The following GRIK2 variants were observed in gnomAD, a reference collection of about 807,000 sequenced individuals.
GRIK2 encodes the protein glutamate ionotropic receptor kainate type subunit 2.
In GRIK2, 32 loss-of-function variants were observed where a neutral mutation model predicts 100.3. The ratio of observed to expected loss-of-function variants is 0.32; its 90% confidence interval spans 0.24 to 0.43. The LOEUF (loss-of-function observed/expected upper bound fraction) is 0.43, where lower values mean the gene tolerates loss of function less well. Among genes scored for constraint, GRIK2 ranks in the 20% least tolerant of loss-of-function variants. GRIK2 has a pLI of 1.00. For synonymous variants in GRIK2, 417 were observed against 389.4 expected, an observed-to-expected ratio of 1.07 and a Z score of -0.83; for missense variants, 843 against 1,114.9, an observed-to-expected ratio of 0.76 and a Z score of 3.47.
intron 4 of GRIK2, among the ~76,000 whole-genome samples, chr6:101,648,045 CT>C (rs35955207): frequency 1.3e-5 from 2 of 152,060 alleles, no homozygotes; most frequent in Non-Finnish European, 2.9e-5. Flanking sequence ...TATCTCCAGA[CT>C]TTTTGCCAAA....
chr6:101,577,943 C>G (rs758907749), intron 2 of GRIK2, among the ~76,000 whole-genome samples: 1 of 152,030 alleles, frequency 6.6e-6, no homozygotes, highest in African/African-American at 2.4e-5. Flanking sequence ...GGAATGCCTA[C>G]GAAAGGTTGA....
chr6:101,485,391 A>G (rs1185105934), intron 2 of GRIK2, among the ~76,000 whole-genome samples: 4 of 152,200 alleles, frequency 2.6e-5, no homozygotes, highest in Non-Finnish European at 4.4e-5. Context: ...ATAATAAATT[A>G]ACTTTAATAC....
Position 101,441,978 on chromosome 6 carries a change from G to T in GRIK2, c.115+42586G>T, listed in dbSNP as rs1300290612. On this transcript the variant is annotated intron_variant, in intron 2 of 16. Transcript: ENST00000369134. ...TTGGGAGATACAAAAAAAAAAAAAG[G>T]GGTGAACAGGGCAGAATTTTTCCAA... Among the ~76,000 whole-genome samples the T allele has an allele frequency of 2.0e-5, 3 of 151,970 alleles. No homozygotes were observed. In the East Asian group the frequency reaches 5.8e-4, roughly 29 times the overall value.
At chr6:101,639,681 C>T (rs1781194276) in intron 4 of GRIK2, among the ~76,000 whole-genome samples, 1 of 152,054 alleles carries the variant, frequency 6.6e-6, no homozygotes, top group Non-Finnish European at 1.5e-5. Flanking sequence ...ATTCTATAAA[C>T]TTTACTTTGT....
At chr6:101,426,336 T>A (rs1330157920) in intron 2 of GRIK2, among the ~76,000 whole-genome samples, 3 of 152,204 alleles carry the variant, frequency 2.0e-5, no homozygotes, top group African/African-American at 7.2e-5. Flanking sequence ...TGGGGAAGAT[T>A]ACAGAGTGTC....
intron 12 of GRIK2, among the ~76,000 whole-genome samples, chr6:101,914,705 T>C (rs778337613): frequency 6.6e-6 from 1 of 151,580 alleles, no homozygotes; most frequent in Non-Finnish European, 1.5e-5. Context: ...GCATTCACTT[T>C]TATTTACTCT....
intron 2 of GRIK2, among the ~76,000 whole-genome samples, chr6:101,615,791 G>C (rs1779866700): frequency 1.3e-5 from 2 of 151,840 alleles, no homozygotes; most frequent in South Asian, 4.2e-4. Flanking sequence ...GCAGGCTCAT[G>C]AACAGGTGGA....
chr6:101,720,892 G>A (rs1178640955), intron 7 of GRIK2, among the ~76,000 whole-genome samples: 1 of 151,876 alleles, frequency 6.6e-6, no homozygotes, highest in Admixed American at 6.6e-5. Flanking sequence ...CAGAATCTTA[G>A]CATTTGCATT....
At chr6:101,496,436 G>C (rs1387628876) in intron 2 of GRIK2, among the ~76,000 whole-genome samples, 1 of 152,090 alleles carries the variant, frequency 6.6e-6, no homozygotes, top group Non-Finnish European at 1.5e-5. Context: ...ATCAGACAAT[G>C]GTCTTCAATA....
At chr6:101,910,444 T>A (rs1223265404) in intron 12 of GRIK2, among the ~76,000 whole-genome samples, 1 of 151,280 alleles carries the variant, frequency 6.6e-6, no homozygotes. Context: ...AGAAAAAATA[T>A]ATTCTTCCAT....
chr6:101,910,979 T>C (rs1378039519), intron 12 of GRIK2, among the ~76,000 whole-genome samples: 1 of 151,418 alleles, frequency 6.6e-6, no homozygotes, highest in African/African-American at 2.4e-5. Context: ...TTACTTCACA[T>C]ATATGTATAG....
intron 4 of GRIK2, among the ~76,000 whole-genome samples, chr6:101,638,711 T>C (rs1269397791): frequency 1.3e-5 from 2 of 151,090 alleles, no homozygotes; most frequent in African/African-American, 4.8e-5. Flanking sequence ...GATCTGTAGA[T>C]ATATGATGAC....
At chr6:101,470,467 G>A (rs898620868) in intron 2 of GRIK2, among the ~76,000 whole-genome samples, 1 of 152,164 alleles carries the variant, frequency 6.6e-6, no homozygotes, top group Admixed American at 6.6e-5. Flanking sequence ...TGTTGCCAAA[G>A]CAGATCTCCA....
intron 4 of GRIK2, among the ~76,000 whole-genome samples, chr6:101,637,894 G>A (rs1781100400): frequency 6.6e-6 from 1 of 152,058 alleles, no homozygotes; most frequent in African/African-American, 2.4e-5. Flanking sequence ...TCTGCCTGAT[G>A]TGTCTTTCCC....
At chr6:101,758,767 C>T (rs1777297521) in intron 7 of GRIK2, among the ~76,000 whole-genome samples, 1 of 152,100 alleles carries the variant, frequency 6.6e-6, no homozygotes, top group Non-Finnish European at 1.5e-5. Context: ...ACGTGATAAA[C>T]TGGGGGAATC....
rs763325032 is a variant in GRIK2 at position 102,068,716 on chromosome 6, G to A, written c.*205G>A. 3.0e-5 allele frequency: 14 copies of A among 469,052 alleles called. No individual in the cohort carries two copies. The highest frequency in any genetic ancestry group is 1.1e-4 in the Admixed American group (3 of 26,566). 29.1% of individuals were successfully genotyped at this position (469,052 alleles called of 1,614,324 possible). On this transcript the variant is annotated 3_prime_UTR_variant, in exon 17 of 17. Coordinates refer to ENST00000369134, the MANE Select transcript of GRIK2 (RefSeq NM_021956.5). ...GCATCATGGATCAACCAAGTTACACGGGGTTACACTGTTAATCATGGGTTC... is the reference window on the plus strand; with the variant it reads ...GCATCATGGATCAACCAAGTTACACAGGGTTACACTGTTAATCATGGGTTC...
rs557685659 is a variant in GRIK2, at chr6:101,537,699, A to G, written c.116-84250A>G. Among the ~76,000 whole-genome samples, 5 of 151,852 alleles carry G rather than the reference A, an allele frequency of 3.3e-5. No individual in the cohort carries two copies. The South Asian group carries it at 1.0e-3, about 31-fold the overall frequency. On this transcript the variant is annotated intron_variant, in intron 2 of 16. Coordinates refer to ENST00000369134, the MANE Select transcript of GRIK2 (RefSeq NM_021956.5). The stretch of plus-strand genomic sequence containing the variant: ...GTTTCTCTAGTTTTCTATTTAATTG[A>G]AGAAACATGACTAGAGTCATTAGAT...
At chr6:101,411,687 T>C (rs1310220615) in intron 2 of GRIK2, among the ~76,000 whole-genome samples, 2 of 152,058 alleles carry the variant, frequency 1.3e-5, no homozygotes, top group East Asian at 1.9e-4. Context: ...TAGATAACAG[T>C]TGGGGCTTAG....
intron 7 of GRIK2, among the ~76,000 whole-genome samples, chr6:101,730,885 AAGAG>A (rs1775220463): frequency 6.6e-6 from 1 of 151,874 alleles, no homozygotes; most frequent in South Asian, 2.1e-4. Context: ...AAAAAGAGTG[AAGAG>A]AGAGGGGAAA....
Sources: gnomAD v4.1 joint callset for allele counts (sites outside exome capture counted in the v4.1 genomes callset) on GRCh38, gnomAD v4.1.1 for gene constraint, MANE v1.5 for transcripts, NCBI Gene and HGNC (gene_info 2026-07-23, HGNC 2026-07-21) for gene names.